Variants in CLHC1 observed in about 807,000 individuals in gnomAD.
The protein encoded by CLHC1 is clathrin heavy chain linker domain-containing protein 1.
CLHC1 carries 72 observed loss-of-function variants against 69.5 expected under a neutral mutation model. The observed-to-expected ratio is 1.04, with a 90% CI of 0.86 to 1.26. The LOEUF (loss-of-function observed/expected upper bound fraction) is 1.26. CLHC1 is among the 50% of genes most tolerant of loss of function. The pLI is 0.00. For synonymous variants in CLHC1, 223 were observed against 224.3 expected, an observed-to-expected ratio of 0.99 and a Z score of 0.05; for missense variants, 790 against 679.3, an observed-to-expected ratio of 1.16 and a Z score of -1.81.
Position 55,180,551 on chromosome 2 carries a change from CTA to C in CLHC1, c.1341_1342del (p.His447GlnfsTer16). On this transcript the variant is annotated frameshift_variant, in exon 11 of 13. Transcript: ENST00000401408. LOFTEE classifies it high-confidence loss of function. Reference sequence around the variant, plus strand: ...CAACTGCTGTATGTACTCCATGACCCTATGAGTCTGACCCTGTTTACACAAGC... The same window carrying C: ...CAACTGCTGTATGTACTCCATGACCCTGAGTCTGACCCTGTTTACACAAGC... 1 of 1,614,144 alleles carries C rather than the reference CTA, an allele frequency of 6.2e-7. No individual in the cohort carries two copies. The highest frequency in any genetic ancestry group is 8.5e-7 in the Non-Finnish European group (1 of 1,180,004).
At chr2:55,216,900 C>A (rs560659416) in intron 4 of CLHC1, among the ~76,000 whole-genome samples, 1 of 152,120 alleles carries the variant, frequency 6.6e-6, no homozygotes, top group African/African-American at 2.4e-5. Flanking sequence ...GTAATCCCAG[C>A]GCTTTGGGAG....
chr2:55,218,307 T>C (rs1367604013), intron 3 of CLHC1: 1 of 177,496 alleles, frequency 5.6e-6, no homozygotes, highest in African/African-American at 2.3e-5. Context: ...CTAGTTCTAA[T>C]TTTCCCAGTT....
At chr2:55,203,141 G>A (rs1028503541) in intron 9 of CLHC1, among the ~76,000 whole-genome samples, 3 of 151,962 alleles carry the variant, frequency 2.0e-5, no homozygotes, top group East Asian at 1.9e-4. Context: ...TATAAAACAC[G>A]GATGAAAGAA....
chr2:55,197,299 T>A (rs1327278947), intron 9 of CLHC1, among the ~76,000 whole-genome samples: 1 of 152,166 alleles, frequency 6.6e-6, no homozygotes, highest in African/African-American at 2.4e-5. Context: ...AAAACAAGCC[T>A]GGATGGCTTC....
intron 2 of CLHC1, among the ~76,000 whole-genome samples, chr2:55,226,834 T>C (rs1674754963): frequency 6.6e-6 from 1 of 152,236 alleles, no homozygotes; most frequent in Admixed American, 6.5e-5. Context: ...GGTTTCACCC[T>C]GTTGGCCAGG....
rs368789508 is a variant in CLHC1 at position 55,202,459 on chromosome 2, G to C, written c.1006+3811C>G. Among the ~76,000 whole-genome samples the C allele has an allele frequency of 6.6e-5, 10 of 151,910 alleles. No individual in the cohort carries two copies. The East Asian group carries it at 1.2e-3, about 18-fold the overall frequency. Reference sequence around the variant, plus strand: ...TAATCCCAGGTACTCGGGAGGCTGAGGCAGGAGAATTGCTTGAACCCAGGA... The same window carrying C: ...TAATCCCAGGTACTCGGGAGGCTGACGCAGGAGAATTGCTTGAACCCAGGA... On this transcript the variant is annotated intron_variant, in intron 9 of 12. Transcript: ENST00000401408.
intron 9 of CLHC1, among the ~76,000 whole-genome samples, chr2:55,201,334 A>G (rs1434975988): frequency 6.6e-6 from 1 of 152,120 alleles, no homozygotes; most frequent in East Asian, 1.9e-4. Flanking sequence ...GAAAAAGGAG[A>G]CATTACAACC....
intron 2 of CLHC1, chr2:55,224,311 G>T: frequency 2.1e-6 from 1 of 465,766 alleles, no homozygotes; most frequent in African/African-American, 2.0e-5. Flanking sequence ...CCGTCCTCTG[G>T]GAGTGTTTGA....
chr2:55,190,849 ACCATAAC>A (rs760913331), intron 9 of CLHC1, among the ~76,000 whole-genome samples: 31 of 152,096 alleles, frequency 2.0e-4, no homozygotes, highest in Non-Finnish European at 5.9e-5. Flanking sequence ...TATGAGGAAA[ACCATAAC>A]CCACAGATCC....
chr2:55,215,090 A>G (rs1458010812), intron 4 of CLHC1: 1 of 152,208 alleles, frequency 6.6e-6, no homozygotes, highest in Non-Finnish European at 1.5e-5. Context: ...TTGGTAAATG[A>G]TAGATAAATT....
chr2:55,172,816 A>G lies in CLHC1; in HGVS notation c.*2974T>C, dbSNP rs1669069437. Among the ~76,000 whole-genome samples the G allele has an allele frequency of 6.6e-6, 1 of 152,108 alleles. No individual in the cohort carries two copies. On this transcript the variant is annotated 3_prime_UTR_variant, in exon 13 of 13. Coordinates refer to ENST00000401408, the MANE Select transcript of CLHC1 (RefSeq NM_152385.4). Reference sequence around the variant, plus strand: ...GGTTTTCACCTTTTAAAGTTAAAAAAGTGATTAATTTAATGGTCATTTCTT... The same window carrying G: ...GGTTTTCACCTTTTAAAGTTAAAAAGGTGATTAATTTAATGGTCATTTCTT...
intron 4 of CLHC1, among the ~76,000 whole-genome samples, chr2:55,217,480 G>C (rs1355974083): frequency 5.8e-5 from 7 of 119,790 alleles, no homozygotes; most frequent in African/African-American, 2.3e-4. Flanking sequence ...CCAAGATTGC[G>C]CCATTGCACT....
intron 3 of CLHC1, among the ~76,000 whole-genome samples, chr2:55,220,758 A>G (rs1373429892): frequency 6.6e-6 from 1 of 152,200 alleles, no homozygotes; most frequent in Non-Finnish European, 1.5e-5. Flanking sequence ...TTCCTTTGCT[A>G]ATTTCACACA....
Position 55,217,935 on chromosome 2 carries a change from A to G in CLHC1, c.241T>C (p.Phe81Leu). 2 of 1,597,082 alleles carry G rather than the reference A, an allele frequency of 1.3e-6. No individual in the cohort carries two copies. The highest frequency in any genetic ancestry group is 4.6e-5 in the East Asian group (2 of 43,856). Residue 81 changes from phenylalanine (F) to leucine (L), a missense_variant, in exon 4 of 13, where the codon TTT becomes CTT. Phe to Leu is a conservative substitution (Grantham distance 22). Transcript: ENST00000401408. ...LTSIKKEYDA[F>L]IETIKKDRRT... ...CGGTCTTTCTTTATTGTCTCAATAAAGGCATCATATTCTTTTTTGATTGAA... is the reference window on the plus strand; with the variant it reads ...CGGTCTTTCTTTATTGTCTCAATAAGGGCATCATATTCTTTTTTGATTGAA...
intron 9 of CLHC1, among the ~76,000 whole-genome samples, chr2:55,193,175 A>C (rs1369731622): frequency 6.6e-6 from 1 of 152,124 alleles, no homozygotes; most frequent in East Asian, 1.9e-4. Flanking sequence ...TATAGGCGTG[A>C]ACCACCGCGC....
At position 55,222,235 on chromosome 2, in the gene CLHC1, C is replaced by A; in HGVS notation, c.177G>T (p.Lys59Asn). ...YYIIYRNVFD[K>N]VIEHITAYKS... ...AATTGTCTTAAAAGCTTTATGATACCTTATCAAAAACATTTCGGTATATGA... is the reference window on the plus strand; with the variant it reads ...AATTGTCTTAAAAGCTTTATGATACATTATCAAAAACATTTCGGTATATGA... The change falls in exon 3 of 13, where the codon AAG (lysine) becomes AAT (asparagine). Residue 59 changes from lysine to asparagine, a missense_variant and splice_region_variant. Coordinates refer to ENST00000401408, the MANE Select transcript of CLHC1 (RefSeq NM_152385.4). The A allele has an allele frequency of 6.2e-7, 1 of 1,607,860 alleles. No homozygotes were observed. Among genetic ancestry groups the A allele is most frequent in the Non-Finnish European group, 8.5e-7 (1 of 1,175,034 alleles).
At chr2:55,202,180 A>G (rs1299926530) in intron 9 of CLHC1, among the ~76,000 whole-genome samples, 1 of 117,900 alleles carries the variant, frequency 8.5e-6, no homozygotes, top group Non-Finnish European at 2.0e-5. Flanking sequence ...GACAAGAAAA[A>G]GAAATAAAGG....
At chr2:55,218,038 T>C (rs747670056) in intron 3 of CLHC1, 40 bp from the exon 4 acceptor site, 1 of 1,088,976 alleles carries the variant, frequency 9.2e-7, no homozygotes, top group Non-Finnish European at 1.2e-6. Context: ...TGATTTTTTT[T>C]CTAGGAGGCT....
intron 4 of CLHC1, chr2:55,216,264 G>A (rs1038451774): frequency 6.7e-6 from 1 of 149,094 alleles, no homozygotes; most frequent in South Asian, 2.1e-4. Flanking sequence ...ATTGCACTCC[G>A]ACCTGAAAAA....
Sources: allele counts gnomAD v4.1 joint callset (sites outside exome capture counted in the v4.1 genomes callset), GRCh38; gene constraint gnomAD v4.1.1; transcripts MANE v1.5; gene names NCBI Gene and HGNC (gene_info 2026-07-23, HGNC 2026-07-21).